EYA1: variants seen among roughly 807,000 people sequenced by gnomAD.
EYA1 encodes the protein protein phosphatase EYA1.
EYA1 carries 16 observed loss-of-function variants against 82.0 expected under a neutral mutation model. That is an observed-to-expected ratio of 0.20 (90% CI 0.13 to 0.30). The LOEUF is 0.30. Ranked by LOEUF, EYA1 falls within the 10% of genes least tolerant of loss-of-function variation. The pLI is 1.00. For missense variants in EYA1, 633 were observed against 730.7 expected (o/e 0.87, Z 1.54); for synonymous variants, 261 against 264.4 (o/e 0.99, Z 0.12).
chr8:71,444,895 C>T (rs1223436488), intron 2 of EYA1, among the ~76,000 whole-genome samples: 2 of 152,134 alleles, frequency 1.3e-5, no homozygotes, highest in African/African-American at 4.8e-5. Flanking sequence ...TTTGTGGAAA[C>T]TATGCAGTTT....
intron 16 of EYA1, among the ~76,000 whole-genome samples, chr8:71,213,139 A>G (rs922865700): frequency 1.3e-5 from 2 of 152,100 alleles, no homozygotes; most frequent in African/African-American, 4.8e-5. Context: ...GTGAAATCCT[A>G]CTTCCACCAC....
At chr8:71,459,282 C>T (rs1808193899) in intron 2 of EYA1, among the ~76,000 whole-genome samples, 1 of 152,160 alleles carries the variant, frequency 6.6e-6, no homozygotes, top group South Asian at 2.1e-4. Context: ...TTGCGGTTCT[C>T]ACTTCCATAA....
intron 12 of EYA1, among the ~76,000 whole-genome samples, chr8:71,231,342 C>G (rs894292744): frequency 6.6e-6 from 1 of 152,208 alleles, no homozygotes; most frequent in Non-Finnish European, 1.5e-5. Context: ...TGTGCAAAAC[C>G]TTTGATGACA....
In EYA1 at chr8:71,271,971, C is replaced by A. The variant is rs528852504; in HGVS notation, c.827-74G>T. On this transcript the variant is annotated intron_variant, in intron 9 of 17. Transcript: ENST00000340726. ...TGCCAAGATTAGCCTTGTTTTAATTCACAAGGGGAGTTTCAATAGTAAAGC... is the reference window on the plus strand; with the variant it reads ...TGCCAAGATTAGCCTTGTTTTAATTAACAAGGGGAGTTTCAATAGTAAAGC... 1,979 of 1,519,748 alleles carry A rather than the reference C, an allele frequency of 1.3e-3. 3 individuals carry two copies. Among genetic ancestry groups the A allele is most frequent in the Non-Finnish European group, 1.6e-3 (1,733 of 1,094,178 alleles). 94.1% of individuals were successfully genotyped at this position (1,519,748 alleles called of 1,614,324 possible).
rs545079441 is a variant in EYA1, at chr8:71,260,456, T to C, written c.1050+9284A>G. Among the ~76,000 whole-genome samples, 4 of 152,366 alleles carry C rather than the reference T, an allele frequency of 2.6e-5. No individual in the cohort carries two copies. In the East Asian group the frequency reaches 7.7e-4, roughly 29 times the overall value. ...GTATGTCTTTTGTATCTCTCCTCTC[T>C]GAATATGTACCTACTTATATCCATG... is the stretch of plus-strand genomic sequence containing the variant. On this transcript the variant is annotated intron_variant, in intron 11 of 17. Coordinates refer to ENST00000340726, the MANE Select transcript of EYA1 (RefSeq NM_000503.6).
In EYA1 at chr8:71,346,163, C is replaced by T. The variant is rs12334610; in HGVS notation, c.124+8619G>A. Among the ~76,000 whole-genome samples, 4 of 152,058 alleles carry T rather than the reference C, an allele frequency of 2.6e-5. No individual in the cohort carries two copies. In the South Asian group the frequency reaches 6.2e-4, roughly 24 times the overall value. On this transcript the variant is annotated intron_variant, in intron 3 of 17. Transcript: ENST00000340726. ...ACTCAGGTTAAGCATCACCAGCATGCGTCCCCACAATCCACAATCACTTCA... is the reference window on the plus strand; with the variant it reads ...ACTCAGGTTAAGCATCACCAGCATGTGTCCCCACAATCCACAATCACTTCA...
intron 7 of EYA1, among the ~76,000 whole-genome samples, chr8:71,309,414 T>A (rs1821090561): frequency 6.6e-6 from 1 of 151,584 alleles, no homozygotes; most frequent in African/African-American, 2.4e-5. Context: ...AAAATAAATA[T>A]GAGAAGAGTG....
At position 71,415,613 on chromosome 8, in the gene EYA1, C is replaced by T. The variant is rs1200623152; in HGVS notation, c.34-59102G>A. On this transcript the variant is annotated intron_variant, in intron 2 of 18. Coordinates refer to the EYA1 transcript ENST00000643681. Reference sequence around the variant, plus strand: ...TCTGGGAATCATCCCAACATATTTACATGGAGCCTTCCTCTTATCAAAGTT... The same window carrying T: ...TCTGGGAATCATCCCAACATATTTATATGGAGCCTTCCTCTTATCAAAGTT... Among the ~76,000 whole-genome samples the T allele has an allele frequency of 3.3e-5, 5 of 152,320 alleles. No individual in the cohort carries two copies. In the East Asian group the frequency reaches 9.7e-4, roughly 29 times the overall value.
intron 2 of EYA1, among the ~76,000 whole-genome samples, chr8:71,518,341 C>T (rs760671306): frequency 3.9e-5 from 6 of 152,124 alleles, no homozygotes; most frequent in Non-Finnish European, 8.8e-5. Flanking sequence ...TTAAACCTCT[C>T]AATTTCCTTC....
intron 2 of EYA1, among the ~76,000 whole-genome samples, chr8:71,464,571 G>C (rs1808641061): frequency 6.6e-6 from 1 of 152,164 alleles, no homozygotes; most frequent in Non-Finnish European, 1.5e-5. Context: ...ACATTGTAAT[G>C]TTGGCATAAT....
upstream of EYA1, among the ~76,000 whole-genome samples, chr8:71,364,853 G>A (rs1827645583): frequency 6.7e-6 from 1 of 149,470 alleles, no homozygotes; most frequent in Non-Finnish European, 1.5e-5. Flanking sequence ...CTAGATACCT[G>A]CCTGGTTATA....
At chr8:71,200,003 T>TAAACCTCAATC (rs1382389501) in intron 17 of EYA1, 1 of 157,960 alleles carries the variant, frequency 6.3e-6, no homozygotes, top group Non-Finnish European at 1.4e-5. Flanking sequence ...TGTTGTTATT[T>TAAACCTCAATC]AAACCTCAAT....
chr8:71,384,335 G>A (rs747639148), intron 2 of EYA1, among the ~76,000 whole-genome samples: 70 of 152,218 alleles, frequency 4.6e-4, no homozygotes, highest in Non-Finnish European at 6.5e-4. Context: ...CCACGGTAAG[G>A]TTGACTTACT....
At chr8:71,328,499 C>G (rs1204708201) in intron 4 of EYA1, among the ~76,000 whole-genome samples, 1 of 152,166 alleles carries the variant, frequency 6.6e-6, no homozygotes, top group Non-Finnish European at 1.5e-5. Context: ...CACCACCTAC[C>G]CCTTCACCTT....
At chr8:71,275,825 C>A (rs752078992) in intron 9 of EYA1, among the ~76,000 whole-genome samples, 7 of 152,190 alleles carry the variant, frequency 4.6e-5, no homozygotes, top group African/African-American at 1.7e-4. Context: ...CTCTAATGGC[C>A]AAATCCAATA....
At chr8:71,526,258 T>C (rs146469536) in intron 2 of EYA1, among the ~76,000 whole-genome samples, 33 of 150,264 alleles carry the variant, frequency 2.2e-4, no homozygotes, top group Non-Finnish European at 4.1e-4. Flanking sequence ...ATGTTACATA[T>C]ATAATTACAC....
chr8:71,438,024 G>A (rs1177517644), intron 2 of EYA1, among the ~76,000 whole-genome samples: 2 of 152,058 alleles, frequency 1.3e-5, no homozygotes, highest in African/African-American at 4.8e-5. Context: ...TATTCTGAAT[G>A]GGTCATGCAT....
In EYA1 at chr8:71,361,679, T is replaced by C; in HGVS notation, c.-87A>G. On this transcript the variant is annotated 5_prime_UTR_variant, in exon 1 of 18. Coordinates refer to ENST00000340726, the MANE Select transcript of EYA1 (RefSeq NM_000503.6). ...ACATCTGCTGCATCCACCAGTTTAATGTGTTCCTTCGAATTTTCTGGGTTA... is the reference window on the plus strand; with the variant it reads ...ACATCTGCTGCATCCACCAGTTTAACGTGTTCCTTCGAATTTTCTGGGTTA... 1.0e-6 allele frequency: 1 copy of C among 985,516 alleles called. No homozygotes were observed. Among genetic ancestry groups the C allele is most frequent in the African/African-American group, 1.7e-5 (1 of 57,376 alleles). The allele number at this position is 985,516 out of a possible 1,614,324, so 61.0% of individuals were successfully genotyped here.
upstream of EYA1, among the ~76,000 whole-genome samples, chr8:71,362,962 T>G (rs1342338701): frequency 6.6e-6 from 1 of 152,206 alleles, no homozygotes; most frequent in African/African-American, 2.4e-5. Context: ...TGACTAATGA[T>G]TGTATCTCAA....
Sources: allele counts gnomAD v4.1 joint callset (sites outside exome capture counted in the v4.1 genomes callset), GRCh38; gene constraint gnomAD v4.1.1; transcripts MANE v1.5; gene names NCBI Gene and HGNC (gene_info 2026-07-23, HGNC 2026-07-21).